PIK3C2G: variants seen among roughly 807,000 people sequenced by gnomAD.
The protein encoded by PIK3C2G is phosphatidylinositol-4-phosphate 3-kinase catalytic subunit type 2 gamma.
PIK3C2G carries 168 observed loss-of-function variants against 181.1 expected under a neutral mutation model. The observed-to-expected ratio is 0.93, with a 90% CI of 0.82 to 1.05. The LOEUF (loss-of-function observed/expected upper bound fraction) is 1.05. Ranked by LOEUF, PIK3C2G falls within the 50% of genes least tolerant of loss-of-function variation. The pLI is 0.00. For missense variants in PIK3C2G, 1,869 were observed against 1,732.8 expected, an observed-to-expected ratio of 1.08 and a Z score of -1.40; for synonymous variants, 573 against 592.2, an observed-to-expected ratio of 0.97 and a Z score of 0.47.
At chr12:18,261,117 T>C (rs1948221060), upstream of PIK3C2G, among the ~76,000 whole-genome samples, 1 of 152,154 alleles carries the variant, frequency 6.6e-6, no homozygotes, top group East Asian at 1.9e-4. Context: ...AGAATACCTT[T>C]TTCAAGGGCT....
intron 22 of PIK3C2G, among the ~76,000 whole-genome samples, chr12:18,499,380 C>T (rs1014792751): frequency 3.9e-5 from 6 of 152,156 alleles, no homozygotes; most frequent in African/African-American, 1.4e-4. Context: ...AATGTCACAA[C>T]GTGAGATGGG....
the PIK3C2G span, among the ~76,000 whole-genome samples, chr12:18,658,335 G>T: frequency 6.6e-6 from 1 of 152,074 alleles, no homozygotes; most frequent in African/African-American, 2.4e-5. Flanking sequence ...ACATCCAAGA[G>T]GCTCAACAAA....
chr12:18,622,084 C>G (rs755783779), intron 31 of PIK3C2G, among the ~76,000 whole-genome samples: 6 of 151,856 alleles, frequency 4.0e-5, no homozygotes, highest in Non-Finnish European at 7.4e-5. Context: ...GAAATTTGCT[C>G]TTAGTGATAC....
At chr12:18,439,877 T>C (rs1292393705) in intron 18 of PIK3C2G, among the ~76,000 whole-genome samples, 1 of 152,082 alleles carries the variant, frequency 6.6e-6, no homozygotes, top group Non-Finnish European at 1.5e-5. Flanking sequence ...CAGGATACAT[T>C]TGTAAAATAC....
chr12:18,437,309 T>C (rs1946502609), intron 18 of PIK3C2G, among the ~76,000 whole-genome samples: 1 of 151,986 alleles, frequency 6.6e-6, no homozygotes, highest in African/African-American at 2.4e-5. Flanking sequence ...ACTTTCTTGT[T>C]TATTGTCTAA....
intron 19 of PIK3C2G, among the ~76,000 whole-genome samples, chr12:18,488,903 A>C (rs1413439777): frequency 2.0e-5 from 3 of 152,114 alleles, no homozygotes; most frequent in African/African-American, 7.2e-5. Context: ...GGACTAAACA[A>C]GCCTGATAAA....
chr12:18,595,938 A>G (rs1354472799), intron 30 of PIK3C2G, among the ~76,000 whole-genome samples: 1 of 152,108 alleles, frequency 6.6e-6, no homozygotes, highest in Non-Finnish European at 1.5e-5. Flanking sequence ...TCTTCAAAAC[A>G]CTCATTGCCA....
intron 29 of PIK3C2G, among the ~76,000 whole-genome samples, chr12:18,570,367 C>T (rs909414504): frequency 7.0e-6 from 1 of 141,930 alleles, no homozygotes; most frequent in Non-Finnish European, 1.5e-5. Context: ...CACCACCACA[C>T]CCAGCCTATT....
intron 5 of PIK3C2G, among the ~76,000 whole-genome samples, chr12:18,305,157 C>G (rs773761901): frequency 5.9e-5 from 9 of 152,172 alleles, no homozygotes; most frequent in Non-Finnish European, 1.2e-4. Context: ...GCACACCATA[C>G]AAACCTGCAT....
At chr12:18,397,557 T>C (rs61914536) in intron 15 of PIK3C2G, among the ~76,000 whole-genome samples, 19,343 of 151,984 alleles carry the variant, frequency 0.13, 1,267 homozygotes, top group African/African-American at 0.15. Flanking sequence ...AAATATAAAT[T>C]AGAAGCACAA....
chr12:18,336,496 T>C (rs549962784), intron 8 of PIK3C2G, among the ~76,000 whole-genome samples: 1 of 152,306 alleles, frequency 6.6e-6, no homozygotes, highest in Admixed American at 6.5e-5. Flanking sequence ...TTGGATAATA[T>C]ACATTGAAAA....
chr12:18,442,205 TCTAA>T (rs56314345), intron 18 of PIK3C2G, among the ~76,000 whole-genome samples: 38,510 of 151,712 alleles, frequency 0.25, 5,290 homozygotes, highest in Admixed American at 0.35. Context: ...ATAGCTTTTC[TCTAA>T]CTGACAGTAT....
chr12:18,453,036 A>G (rs1477968212), intron 18 of PIK3C2G, among the ~76,000 whole-genome samples: 2 of 152,150 alleles, frequency 1.3e-5, no homozygotes, highest in African/African-American at 4.8e-5. Context: ...AAGAATGTAC[A>G]TTCTGTTCAT....
chr12:18,372,219 A>G (rs957665109), intron 13 of PIK3C2G, among the ~76,000 whole-genome samples: 17 of 151,280 alleles, frequency 1.1e-4, no homozygotes, highest in African/African-American at 4.1e-4. Context: ...GTGTGTGGGC[A>G]CGTGTGTGTG....
At position 18,282,441 on chromosome 12, in the gene PIK3C2G, G is replaced by A. The variant is rs1342910617; in HGVS notation, c.360G>A (p.Thr120=). ...SPSVLPKPQN[T]NKECSWGSPI... is the part of the protein sequence containing the mutation. ...CTGTGTTACCAAAACCTCAAAATAC[G>A]AATAAAGAATGCTCCTGGGGAAGCC... The change falls in exon 2 of 33, where the codon ACG becomes ACA. Residue 120 remains threonine, a synonymous_variant. Transcript: ENST00000538779. The A allele has an allele frequency of 2.7e-5, 43 of 1,608,668 alleles. No individual in the cohort carries two copies. Among genetic ancestry groups the A allele is most frequent in the South Asian group, 9.9e-5 (9 of 90,810 alleles).
At chr12:18,667,402 G>GT in the PIK3C2G span, among the ~76,000 whole-genome samples, 17 of 152,058 alleles carry the variant, frequency 1.1e-4, no homozygotes, top group African/African-American at 4.1e-4. Flanking sequence ...AAGATTACCT[G>GT]TATCTATCTG....
intron 18 of PIK3C2G, among the ~76,000 whole-genome samples, chr12:18,452,515 A>G (rs1947419137): frequency 6.6e-6 from 1 of 151,242 alleles, no homozygotes; most frequent in Admixed American, 6.6e-5. Flanking sequence ...AAAAAAAAAC[A>G]GCTTCTAGAT....
chr12:18,600,152 A>G (rs1947628288), intron 30 of PIK3C2G, among the ~76,000 whole-genome samples: 1 of 152,028 alleles, frequency 6.6e-6, no homozygotes, highest in Admixed American at 6.5e-5. Flanking sequence ...TAGATGATAT[A>G]TTTGACTACA....
chr12:18,512,528 A>C (rs1942274748), intron 24 of PIK3C2G, among the ~76,000 whole-genome samples: 1 of 151,984 alleles, frequency 6.6e-6, no homozygotes, highest in African/African-American at 2.4e-5. Context: ...TTCCTTGGTT[A>C]AATTTGCACC....
Sources: gnomAD v4.1 joint callset for allele counts (sites outside exome capture counted in the v4.1 genomes callset) on GRCh38, gnomAD v4.1.1 for gene constraint, MANE v1.5 for transcripts, NCBI Gene and HGNC (gene_info 2026-07-23, HGNC 2026-07-21) for gene names.